SLC6A4: variants seen among roughly 807,000 people sequenced by gnomAD.
SLC6A4 encodes solute carrier family 6 member 4.
SLC6A4 carries 22 observed loss-of-function variants against 73.4 expected under a neutral mutation model. That is an observed-to-expected ratio of 0.30 (90% CI 0.21 to 0.43). SLC6A4 has a LOEUF of 0.43. Ranked by LOEUF, SLC6A4 falls within the 20% of genes least tolerant of loss-of-function variation. The pLI is 1.00. For missense variants in SLC6A4, 593 were observed against 808.5 expected (o/e 0.73, Z 3.23); for synonymous variants, 270 against 315.5 (o/e 0.86, Z 1.53).
chr17:30,234,785 T>C (rs1177153013), intron 1 of SLC6A4, among the ~76,000 whole-genome samples: 1 of 152,162 alleles, frequency 6.6e-6, no homozygotes, highest in African/African-American at 2.4e-5. Context: ...ATACACAAAG[T>C]CTTTGTAATG....
intron 1 of SLC6A4, among the ~76,000 whole-genome samples, chr17:30,229,082 T>A (rs1907010526): frequency 6.6e-6 from 1 of 152,192 alleles, no homozygotes; most frequent in African/African-American, 2.4e-5. Context: ...CCTCCCTGCC[T>A]CACCCATCGG....
chr17:30,201,795 C>T (rs55635958), intron 14 of SLC6A4, among the ~76,000 whole-genome samples: 112 of 152,232 alleles, frequency 7.4e-4, no homozygotes, highest in Non-Finnish European at 1.2e-3. Flanking sequence ...AAGAAATGAA[C>T]GCAGTTGTTC....
intron 8 of SLC6A4, among the ~76,000 whole-genome samples, chr17:30,215,000 C>T (rs1257131777): frequency 2.2e-4 from 4 of 18,482 alleles, no homozygotes; most frequent in South Asian, 2.1e-3. Context: ...TCCTTCCTTC[C>T]TTTCTTTCTT....
chr17:30,231,411 G>GT (rs983580991), intron 1 of SLC6A4, among the ~76,000 whole-genome samples: 3 of 150,918 alleles, frequency 2.0e-5, no homozygotes, highest in African/African-American at 7.3e-5. Flanking sequence ...TATATACACT[G>GT]TATGTATCTG....
chr17:30,228,564 C>G (rs945929537), intron 1 of SLC6A4, among the ~76,000 whole-genome samples: 1 of 152,154 alleles, frequency 6.6e-6, no homozygotes, highest in Non-Finnish European at 1.5e-5. Context: ...GGCTGCTCTC[C>G]CAGAGATTCT....
At chr17:30,216,838 T>G (rs987315719) in intron 6 of SLC6A4, among the ~76,000 whole-genome samples, 1 of 127,744 alleles carries the variant, frequency 7.8e-6, no homozygotes, top group Non-Finnish European at 1.7e-5. Context: ...CTGGCTATTG[T>G]TTTTTTTTGT....
Position 30,221,788 on chromosome 17 carries a change from A to G in SLC6A4, c.171T>C (p.Asp57=). The G allele has an allele frequency of 6.2e-7, 1 of 1,614,152 alleles. No homozygotes were observed. The highest frequency in any genetic ancestry group is 8.5e-7 in the Non-Finnish European group (1 of 1,180,040). The change falls in exon 3 of 15, where the codon GAT becomes GAC. Residue 57 remains aspartate, a synonymous_variant. Coordinates refer to ENST00000650711, the MANE Select transcript of SLC6A4 (RefSeq NM_001045.6). ...TCGCTGGGATAGAGTGCCGTGTGTC[A>G]TCTCCCGCACCAGGACTTGGAACTG... ...YSAVPSPGAG[D]DTRHSIPATT...
rs534128401 is a variant in SLC6A4 at position 30,211,991 on chromosome 17, G to A, written c.1205-567C>T. 1.8e-3 allele frequency among the ~76,000 whole-genome samples: 274 copies of A among 152,206 alleles called. 2 individuals are homozygous for A. Among genetic ancestry groups the A allele is most frequent in the South Asian group, 3.1e-3 (15 of 4,816 alleles). The stretch of plus-strand genomic sequence containing the variant: ...GGGGTATGGGGTTGGTCAAAGCACC[G>A]AATCAGGCCAAAGATACAAGCATGC... On this transcript the variant is annotated intron_variant, in intron 9 of 14. Coordinates refer to ENST00000650711, the MANE Select transcript of SLC6A4 (RefSeq NM_001045.6). This position sits in a 1 kb window ranked among gnomAD's most constrained non-coding sequence, Gnocchi z 4.0.
Position 30,235,448 on chromosome 17 carries a change from G to A in SLC6A4, c.-221+165C>T, listed in dbSNP as rs903010294. ...GCTTCAGCTCTGGCTCTTGCTGAGC[G>A]TGGAGGGCGCAGGGGCAGGATCCGG... On this transcript the variant is annotated intron_variant, in intron 1 of 14. Transcript: ENST00000650711. This position sits in a 1 kb window ranked among gnomAD's most constrained non-coding sequence, Gnocchi z 4.5. Among the ~76,000 whole-genome samples the A allele has an allele frequency of 1.3e-5, 2 of 152,230 alleles. No individual in the cohort carries two copies. The highest frequency in any genetic ancestry group is 2.4e-5 in the African/African-American group (1 of 41,468).
intron 5 of SLC6A4, 30 bp downstream of exon 5, chr17:30,218,088 C>G (rs920867300): frequency 6.3e-7 from 1 of 1,593,628 alleles, no homozygotes; most frequent in Non-Finnish European, 8.6e-7. Context: ...CTGCCCCTAA[C>G]AGGCCAACCC....
At chr17:30,226,608 G>A (rs1182761202) in intron 1 of SLC6A4, among the ~76,000 whole-genome samples, 1 of 152,224 alleles carries the variant, frequency 6.6e-6, no homozygotes, top group Non-Finnish European at 1.5e-5. Context: ...GCTGAGGCAG[G>A]AGAATTGCCT....
At chr17:30,215,745 T>A (rs1460639359) in intron 7 of SLC6A4, 31 bp from the exon 8 acceptor site, 2 of 1,586,310 alleles carry the variant, frequency 1.3e-6, no homozygotes, top group Non-Finnish European at 1.7e-6. Context: ...GGGCATGGGG[T>A]GAGGGGGAGA....
intron 3 of SLC6A4, among the ~76,000 whole-genome samples, chr17:30,220,121 T>C (rs1479448459): frequency 6.6e-6 from 1 of 152,176 alleles, no homozygotes; most frequent in Non-Finnish European, 1.5e-5. Flanking sequence ...CCCCTGGAAC[T>C]ACCTTTGCAA....
chr17:30,226,091 T>A (rs1906916945), intron 1 of SLC6A4, among the ~76,000 whole-genome samples: 1 of 152,232 alleles, frequency 6.6e-6, no homozygotes, highest in African/African-American at 2.4e-5. Flanking sequence ...AATGTTGAAC[T>A]TTGACTTCAT....
In SLC6A4 at chr17:30,218,341, G is replaced by A. The variant is rs1289068012; in HGVS notation, c.479-4C>T. 2.5e-6 allele frequency: 4 copies of A among 1,610,736 alleles called. No individual in the cohort carries two copies. The highest frequency in any genetic ancestry group is 2.2e-5 in the East Asian group (1 of 44,850). On this transcript the variant is annotated splice_polypyrimidine_tract_variant and splice_region_variant and intron_variant, in intron 4 of 14. Coordinates refer to ENST00000650711, the MANE Select transcript of SLC6A4 (RefSeq NM_001045.6). ...ATGCAGATGGCATAACCAATCCCTGGGCAGTGGGTGAGATGGAGAGACAGA... is the reference window on the plus strand; with the variant it reads ...ATGCAGATGGCATAACCAATCCCTGAGCAGTGGGTGAGATGGAGAGACAGA...
intron 13 of SLC6A4, chr17:30,206,270 CAA>C (rs1906194261): frequency 1.4e-5 from 2 of 140,208 alleles, no homozygotes; most frequent in South Asian, 2.3e-4. Context: ...ACAAAAAAAA[CAA>C]AGTTACAGAT....
At chr17:30,216,843 T>TTTGTTTG (rs1906591818) in intron 6 of SLC6A4, among the ~76,000 whole-genome samples, 17 of 148,502 alleles carry the variant, frequency 1.1e-4, no homozygotes, top group Middle Eastern at 3.4e-3. Flanking sequence ...TATTGTTTTT[T>TTTGTTTG]TTTGTTTGTT....
At chr17:30,233,715 C>T (rs1183878892) in intron 1 of SLC6A4, among the ~76,000 whole-genome samples, 1 of 152,192 alleles carries the variant, frequency 6.6e-6, no homozygotes, top group Non-Finnish European at 1.5e-5. Flanking sequence ...TTCTCAACAA[C>T]AACCAAAAGT....
intron 1 of SLC6A4, among the ~76,000 whole-genome samples, chr17:30,230,836 G>A (rs1907090403): frequency 6.6e-6 from 1 of 152,134 alleles, no homozygotes; most frequent in Non-Finnish European, 1.5e-5. Context: ...GCCACAAGGT[G>A]TTTGGAGTTT....
Sources: gnomAD v4.1 joint callset for allele counts (sites outside exome capture counted in the v4.1 genomes callset) on GRCh38, gnomAD v4.1.1 for gene constraint, Gnocchi (gnomAD v3.1) non-coding constraint, MANE v1.5 for transcripts, NCBI Gene and HGNC (gene_info 2026-07-23, HGNC 2026-07-21) for gene names.